Variants in SND1 observed in about 807,000 individuals in gnomAD.
SND1 encodes staphylococcal nuclease and tudor domain containing 1, also known as staphylococcal nuclease domain-containing protein 1.
A neutral mutation model predicts 121.7 loss-of-function variants in SND1; 38 were observed. The observed-to-expected ratio is 0.31, with a 90% CI of 0.24 to 0.41. The LOEUF is 0.41. SND1 is among the 10% of genes least tolerant of loss of function. The probability of loss-of-function intolerance (pLI) is 1.00; values close to 1 mark genes in which losing one functional copy is unlikely to be tolerated. For missense variants in SND1, 868 were observed against 1,184.6 expected (o/e 0.73, Z 3.92); for synonymous variants, 401 against 447.4 (o/e 0.90, Z 1.31).
chr7:127,673,034 A>G (rs186745504), intron 1 of SND1, among the ~76,000 whole-genome samples: 3 of 151,614 alleles, frequency 2.0e-5, no homozygotes, highest in Admixed American at 1.3e-4. Context: ...TAAGTATCTT[A>G]TATAATAAGT....
intron 12 of SND1, among the ~76,000 whole-genome samples, chr7:127,854,913 G>A (rs548742087): frequency 6.6e-6 from 1 of 151,726 alleles, no homozygotes; most frequent in Non-Finnish European, 1.5e-5. Context: ...AATAAAAATT[G>A]TAGTAACATT....
At chr7:127,970,937 C>G (rs1233263643) in intron 15 of SND1, among the ~76,000 whole-genome samples, 1 of 150,864 alleles carries the variant, frequency 6.6e-6, no homozygotes, top group Non-Finnish European at 1.5e-5. Context: ...AAGCGAGACC[C>G]TGTCTCTATA....
intron 4 of SND1, among the ~76,000 whole-genome samples, chr7:127,699,331 G>A (rs1255643093): frequency 2.0e-5 from 3 of 152,230 alleles, no homozygotes; most frequent in Non-Finnish European, 4.4e-5. Flanking sequence ...AATAGACTTA[G>A]CTTCTGCTGA....
At chr7:127,796,458 T>C (rs914573717) in intron 10 of SND1, among the ~76,000 whole-genome samples, 4 of 152,238 alleles carry the variant, frequency 2.6e-5, no homozygotes, top group Non-Finnish European at 5.9e-5. Context: ...AATGTGGCAC[T>C]ATGCTGGGCA....
intron 10 of SND1, among the ~76,000 whole-genome samples, chr7:127,749,391 G>T (rs973658293): frequency 6.6e-6 from 1 of 152,198 alleles, no homozygotes; most frequent in African/African-American, 2.4e-5. Flanking sequence ...TATCCTAAGG[G>T]TGTAGCTTTG....
At chr7:127,883,652 T>C (rs1414458345) in intron 12 of SND1, among the ~76,000 whole-genome samples, 1 of 152,178 alleles carries the variant, frequency 6.6e-6, no homozygotes. Context: ...ATTGCTATCA[T>C]CTAATCCACA....
chr7:127,861,686 G>T (rs570054785), intron 12 of SND1, among the ~76,000 whole-genome samples: 2 of 152,306 alleles, frequency 1.3e-5, no homozygotes, highest in East Asian at 3.9e-4. Flanking sequence ...ATGTTGGCCA[G>T]GCTAGGGATC....
chr7:127,919,471 T>C (rs1800654267), intron 14 of SND1, among the ~76,000 whole-genome samples: 1 of 152,220 alleles, frequency 6.6e-6, no homozygotes. Flanking sequence ...TCTTACCTCT[T>C]GCCTATAGAG....
chr7:127,803,994 A>G (rs1354034532), intron 10 of SND1, among the ~76,000 whole-genome samples: 2 of 152,228 alleles, frequency 1.3e-5, no homozygotes, highest in East Asian at 3.8e-4. Context: ...TTATGAAGCA[A>G]GCATTTTTTC....
chr7:127,952,975 C>T (rs1398314306), intron 15 of SND1, among the ~76,000 whole-genome samples: 2 of 152,000 alleles, frequency 1.3e-5, no homozygotes, highest in African/African-American at 4.8e-5. Flanking sequence ...CCAGCCCTGG[C>T]CATATAGTGA....
chr7:127,663,668 G>A (rs375183685), intron 1 of SND1, among the ~76,000 whole-genome samples: 2 of 152,140 alleles, frequency 1.3e-5, no homozygotes, highest in Non-Finnish European at 1.5e-5. Context: ...GAGCCACCAC[G>A]CCTGGCCTTA....
At chr7:128,022,533 C>A (rs1803380612) in intron 16 of SND1, among the ~76,000 whole-genome samples, 1 of 152,198 alleles carries the variant, frequency 6.6e-6, no homozygotes, top group Non-Finnish European at 1.5e-5. Context: ...GGATATCCCC[C>A]ACAGGCCTAG....
chr7:127,861,949 A>G (rs542302722), intron 12 of SND1, among the ~76,000 whole-genome samples: 1 of 152,292 alleles, frequency 6.6e-6, no homozygotes, highest in South Asian at 2.1e-4. Flanking sequence ...TCTTTAACAC[A>G]TTTGTTGAAG....
chr7:127,698,927 C>A lies in SND1; in HGVS notation c.402C>A (p.Thr134=). 1 of 1,613,596 alleles carries A rather than the reference C, an allele frequency of 6.2e-7. No individual in the cohort carries two copies. The highest frequency in any genetic ancestry group is 8.5e-7 in the Non-Finnish European group (1 of 1,179,634). ...AESLVAEGLA[T]RREGMRANNP... is the part of the protein sequence containing the mutation. Reference sequence around the variant, plus strand: ...CACTGGTTGCAGAGGGCTTAGCCACCCGGAGAGAAGGCATGAGAGCTAATA... The same window carrying A: ...CACTGGTTGCAGAGGGCTTAGCCACACGGAGAGAAGGCATGAGAGCTAATA... The change falls in exon 4 of 24, where the codon ACC becomes ACA. Residue 134 remains threonine (T), a synonymous_variant. Coordinates refer to ENST00000354725, the MANE Select transcript of SND1 (RefSeq NM_014390.4).
chr7:127,715,353 T>C (rs1427903831), intron 9 of SND1, among the ~76,000 whole-genome samples: 1 of 152,182 alleles, frequency 6.6e-6, no homozygotes, highest in African/African-American at 2.4e-5. Flanking sequence ...TCTTTTAGAT[T>C]CGGGGATACA....
At chr7:127,763,756 A>G (rs1797352811) in intron 10 of SND1, among the ~76,000 whole-genome samples, 1 of 152,130 alleles carries the variant, frequency 6.6e-6, no homozygotes, top group South Asian at 2.1e-4. Flanking sequence ...AGTTATGAGG[A>G]TACTTTTTCT....
intron 16 of SND1, among the ~76,000 whole-genome samples, chr7:128,047,802 C>T (rs1410783015): frequency 6.6e-6 from 1 of 152,156 alleles, no homozygotes; most frequent in Non-Finnish European, 1.5e-5. Flanking sequence ...TAGTGACCCA[C>T]CTACAAAGGA....
intron 9 of SND1, among the ~76,000 whole-genome samples, chr7:127,714,047 A>G (rs1796342067): frequency 6.6e-6 from 1 of 150,392 alleles, no homozygotes; most frequent in Non-Finnish European, 1.5e-5. Flanking sequence ...ATCCTTGGGC[A>G]TTGCAGATTT....
At position 128,029,115 on chromosome 7, in the gene SND1, G is replaced by C. The variant is rs1183012299; in HGVS notation, c.1779+38059G>C. ...GGTCTGCATCTTGTCAGTGGTGTCT[G>C]TCGCGGGTACTGCCACCTGCTTGGG... On this transcript the variant is annotated intron_variant, in intron 16 of 23. Transcript: ENST00000354725. The surrounding 1 kb of genome is among the most constrained non-coding windows in gnomAD (Gnocchi z 4.2). 1 of 1,614,170 alleles carries C rather than the reference G, an allele frequency of 6.2e-7. No individual in the cohort carries two copies. The highest frequency in any genetic ancestry group is 1.1e-5 in the South Asian group (1 of 91,078).
Sources: gnomAD v4.1 joint callset for allele counts (sites outside exome capture counted in the v4.1 genomes callset) on GRCh38, gnomAD v4.1.1 for gene constraint, Gnocchi (gnomAD v3.1) non-coding constraint, MANE v1.5 for transcripts, NCBI Gene and HGNC (gene_info 2026-07-23, HGNC 2026-07-21) for gene names.